The following UBE2V1 variants were observed in gnomAD, a reference collection of about 807,000 sequenced individuals.
UBE2V1 encodes the protein ubiquitin conjugating enzyme E2 V1.
Under a neutral mutation model 19.6 loss-of-function variants are expected in UBE2V1, and 15 were observed. The ratio of observed to expected loss-of-function variants is 0.77; its 90% CI spans 0.51 to 1.18. The LOEUF is 1.18. UBE2V1 is among the 50% of genes most tolerant of loss of function. The pLI is 0.00. For missense variants in UBE2V1, 125 were observed against 184.8 expected (o/e 0.68, Z 1.88); for synonymous variants, 60 against 60.7 (o/e 0.99, Z 0.05).
At chr20:50,093,360 A>G (rs995478500) in intron 2 of UBE2V1, among the ~76,000 whole-genome samples, 1 of 152,238 alleles carries the variant, frequency 6.6e-6, no homozygotes, top group African/African-American at 2.4e-5. Context: ...CTCTATTTAG[A>G]TGCTTTAATA....
At position 50,081,346 on chromosome 20, in the gene UBE2V1, TA is replaced by T. The variant is rs74435910; in HGVS notation, c.*1421del. On this transcript the variant is annotated 3_prime_UTR_variant, in exon 4 of 4. Transcript: ENST00000371674. ...AGGTGGTTTTACACAAATACTAAAT[TA>T]AAAAAAAAAAAAAAACCTTTAGTAC... The T allele has an allele frequency of 0.016, 2,243 of 136,380 alleles. 32 individuals carry two copies. The highest frequency in any genetic ancestry group is 0.041 in the African/African-American group (1,528 of 37,110). The allele number at this position is 136,380 out of a possible 1,614,324, so 8.4% of individuals were successfully genotyped here.
At chr20:50,108,477 ATCC>A (rs1437874612) in intron 1 of UBE2V1, among the ~76,000 whole-genome samples, 1 of 152,220 alleles carries the variant, frequency 6.6e-6, no homozygotes, top group African/African-American at 2.4e-5. Context: ...AAGAACGATC[ATCC>A]GGCCAAGAGC....
Position 50,082,921 on chromosome 20 carries a change from C to T in UBE2V1, c.298-7G>A, listed in dbSNP as rs941276735. On this transcript the variant is annotated splice_polypyrimidine_tract_variant and splice_region_variant and intron_variant, in intron 3 of 3. Transcript: ENST00000371674. ...ATATGGCTCTTGGGTCCACCTACAA[C>T]AAGGCAAACAAAAGCAAATTACTCT... 2.5e-6 allele frequency: 4 copies of T among 1,601,892 alleles called. No individual in the cohort carries two copies. Among genetic ancestry groups the T allele is most frequent in the East Asian group, 2.2e-5 (1 of 44,872 alleles).
chr20:50,099,779 C>CT (rs2079867000), intron 1 of UBE2V1, among the ~76,000 whole-genome samples: 1 of 152,194 alleles, frequency 6.6e-6, no homozygotes. Context: ...AAGTGACTAA[C>CT]TTTTAATGGA....
upstream of UBE2V1, chr20:50,113,205 G>A: frequency 8.5e-7 from 1 of 1,179,214 alleles, no homozygotes; most frequent in Non-Finnish European, 1.1e-6. Flanking sequence ...ATGCGCAGGC[G>A]CGCGCGCACG....
At chr20:50,092,263 C>T (rs1349251506) in intron 2 of UBE2V1, among the ~76,000 whole-genome samples, 6 of 151,992 alleles carry the variant, frequency 3.9e-5, no homozygotes, top group Non-Finnish European at 8.8e-5. Context: ...CAGAGACTGC[C>T]GTGAGCTGAA....
intron 1 of UBE2V1, among the ~76,000 whole-genome samples, chr20:50,109,957 G>A (rs950348195): frequency 1.2e-4 from 19 of 152,198 alleles, no homozygotes; most frequent in African/African-American, 3.6e-4. Context: ...CTAAGGGACT[G>A]TGAGTTTTCA....
At chr20:50,106,980 G>A (rs1318080564) in intron 1 of UBE2V1, among the ~76,000 whole-genome samples, 1 of 152,134 alleles carries the variant, frequency 6.6e-6, no homozygotes, top group Non-Finnish European at 1.5e-5. Flanking sequence ...ACAGTGAACT[G>A]AGCTAGGAAT....
chr20:50,096,871 G>T, intron 1 of UBE2V1, 51 bp from the exon 2 acceptor site: 2 of 1,610,392 alleles, frequency 1.2e-6, no homozygotes, highest in Non-Finnish European at 1.7e-6. Context: ...AGGGGAACTT[G>T]TAAGCCTAGA....
At chr20:50,106,796 T>C (rs1477143638) in intron 1 of UBE2V1, among the ~76,000 whole-genome samples, 1 of 150,670 alleles carries the variant, frequency 6.6e-6, no homozygotes, top group Non-Finnish European at 1.5e-5. Context: ...GATAGCACCA[T>C]TGCACTCCAG....
intron 2 of UBE2V1, among the ~76,000 whole-genome samples, chr20:50,090,362 A>G (rs903498871): frequency 2.6e-5 from 4 of 152,124 alleles, no homozygotes; most frequent in Admixed American, 6.5e-5. Context: ...TCAGCCATAA[A>G]TAAGAAATCC....
Position 50,113,092 on chromosome 20 carries a change from G to T in UBE2V1, c.22+15C>A. On this transcript the variant is annotated intron_variant, in intron 1 of 3. Coordinates refer to ENST00000371674, the MANE Select transcript of UBE2V1 (RefSeq NM_001032288.3). Reference sequence around the variant, plus strand: ...CATGCCCCCTCGGCCGGCCGGGCCCGGCGCCCCCGCTCACCCGAGCCCGTG... The same window carrying T: ...CATGCCCCCTCGGCCGGCCGGGCCCTGCGCCCCCGCTCACCCGAGCCCGTG... 7.9e-7 allele frequency: 1 copy of T among 1,264,196 alleles called. No homozygotes were observed. The highest frequency in any genetic ancestry group is 1.0e-6 in the Non-Finnish European group (1 of 970,584). 78.3% of individuals were successfully genotyped at this position (1,264,196 alleles called of 1,614,324 possible).
chr20:50,086,459 GA>G (rs201298728), intron 2 of UBE2V1, among the ~76,000 whole-genome samples: 100 of 145,866 alleles, frequency 6.9e-4, no homozygotes, highest in Middle Eastern at 7.0e-3. Flanking sequence ...TTTCCTCAAA[GA>G]AAAAAAAAAC....
intron 1 of UBE2V1, 85 bp downstream of exon 1, chr20:50,113,022 T>C: frequency 1.8e-6 from 1 of 559,582 alleles, no homozygotes; most frequent in Non-Finnish European, 2.7e-6. Context: ...GGACCCTGGC[T>C]CCGCTGCAGG....
chr20:50,084,062 C>G, intron 3 of UBE2V1, 67 bp downstream of exon 3: 1 of 1,521,306 alleles, frequency 6.6e-7, no homozygotes, highest in South Asian at 1.4e-5. Flanking sequence ...AGTCTAAAAG[C>G]TCCTGATGTT....
intron 1 of UBE2V1, among the ~76,000 whole-genome samples, chr20:50,104,116 T>C (rs868393689): frequency 6.8e-6 from 1 of 146,990 alleles, no homozygotes; most frequent in Non-Finnish European, 1.5e-5. Flanking sequence ...ACCCTGTCTC[T>C]ACTAAAAATA....
At chr20:50,093,709 C>T (rs67470092) in intron 2 of UBE2V1, among the ~76,000 whole-genome samples, 35,804 of 151,710 alleles carry the variant, frequency 0.24, 4,333 homozygotes, top group Admixed American at 0.32. Context: ...AATGTATCTC[C>T]GGCAGGGCGC....
intron 1 of UBE2V1, among the ~76,000 whole-genome samples, chr20:50,105,738 T>C (rs374427187): frequency 2.0e-5 from 3 of 152,274 alleles, no homozygotes; most frequent in African/African-American, 2.4e-5. Context: ...GAGACCAGCC[T>C]GGCCAACATG....
At chr20:50,089,445 A>G (rs1158344296) in intron 2 of UBE2V1, among the ~76,000 whole-genome samples, 1 of 152,236 alleles carries the variant, frequency 6.6e-6, no homozygotes, top group African/African-American at 2.4e-5. Flanking sequence ...CAAACAGGCA[A>G]ACTGGATACA....
Sources: gnomAD v4.1 joint callset for allele counts (sites outside exome capture counted in the v4.1 genomes callset) on GRCh38, gnomAD v4.1.1 for gene constraint, MANE v1.5 for transcripts, NCBI Gene and HGNC (gene_info 2026-07-23, HGNC 2026-07-21) for gene names.